NRTN: variants seen among roughly 807,000 people sequenced by gnomAD.
The protein encoded by NRTN is neurturin, also known as prepro-neurturin.
A neutral mutation model predicts 7.5 loss-of-function variants in NRTN; 3 were observed. The ratio of observed to expected loss-of-function variants is 0.40; its 90% CI spans 0.18 to 1.03. The LOEUF (loss-of-function observed/expected upper bound fraction) is 1.03, where lower values mean the gene tolerates loss of function less well. NRTN is among the 50% of genes least tolerant of loss of function. NRTN has a pLI of 0.34. For missense variants in NRTN, 310 were observed against 307.0 expected, an observed-to-expected ratio of 1.01 and a Z score of -0.07; for synonymous variants, 157 against 146.6, an observed-to-expected ratio of 1.07 and a Z score of -0.51.
At chr19:5,811,655 C>T (rs2056990798) in intron 1 of NRTN, among the ~76,000 whole-genome samples, 1 of 151,766 alleles carries the variant, frequency 6.6e-6, no homozygotes. Context: ...GCCTGATCCT[C>T]CTGAGTAGCT....
Position 5,828,201 on chromosome 19 carries a change from C to T in NRTN, c.*28C>T, listed in dbSNP as rs1187591078. ...CTACCTCACTCGGCCGGCGCGGCGGCCACTCCCCCCGCCTCGACGGCACCA... is the reference window on the plus strand; with the variant it reads ...CTACCTCACTCGGCCGGCGCGGCGGTCACTCCCCCCGCCTCGACGGCACCA... On this transcript the variant is annotated 3_prime_UTR_variant, in exon 3 of 3. Transcript: ENST00000303212. 10 of 1,526,996 alleles carry T rather than the reference C, an allele frequency of 6.5e-6. No homozygotes were observed. The highest frequency in any genetic ancestry group is 1.2e-5 in the South Asian group (1 of 83,404). 94.6% of individuals were successfully genotyped at this position (1,526,996 alleles called of 1,614,324 possible). A position where few individuals can be genotyped will look rare whatever the true frequency, so the allele number is the denominator to read the frequency against.
chr19:5,814,061 A>G (rs990809176), intron 1 of NRTN, among the ~76,000 whole-genome samples: 3 of 152,114 alleles, frequency 2.0e-5, no homozygotes, highest in Admixed American at 6.6e-5. Context: ...CAGGAGTGAA[A>G]CGGAGAGGAA....
rs2056976208 is a variant in NRTN, at chr19:5,806,711, A to G, written c.-399+1260A>G. The stretch of plus-strand genomic sequence containing the variant: ...CAGGGAGCTACAGAAAGCTTCTTCC[A>G]GGGGTGCAGGGAAGAAAATAAAACA... On this transcript the variant is annotated intron_variant, in intron 1 of 2. Coordinates refer to ENST00000303212, the MANE Select transcript of NRTN (RefSeq NM_004558.5). This position sits in a 1 kb window ranked among gnomAD's most constrained non-coding sequence, Gnocchi z 5.4. Among the ~76,000 whole-genome samples the G allele has an allele frequency of 6.6e-6, 1 of 152,034 alleles. No homozygotes were observed. The highest frequency in any genetic ancestry group is 1.5e-5 in the Non-Finnish European group (1 of 67,988).
intron 1 of NRTN, among the ~76,000 whole-genome samples, chr19:5,814,851 G>A (rs1388931897): frequency 6.6e-6 from 1 of 152,126 alleles, no homozygotes; most frequent in East Asian, 1.9e-4. Flanking sequence ...ACACTGCTAC[G>A]CTCCCAGCCC....
At chr19:5,822,398 G>A (rs889098224) in intron 1 of NRTN, among the ~76,000 whole-genome samples, 26 of 152,214 alleles carry the variant, frequency 1.7e-4, no homozygotes, top group Non-Finnish European at 3.5e-4. Context: ...CAGGCTCCAC[G>A]CCGCCCCACA....
chr19:5,809,890 T>C (rs763549949), intron 1 of NRTN, among the ~76,000 whole-genome samples: 2 of 152,174 alleles, frequency 1.3e-5, no homozygotes, highest in African/African-American at 2.4e-5. Context: ...CAGGCAGTAG[T>C]TGTGGAGTCC....
At chr19:5,816,616 A>C (rs2057005923) in intron 1 of NRTN, among the ~76,000 whole-genome samples, 1 of 152,100 alleles carries the variant, frequency 6.6e-6, no homozygotes, top group South Asian at 2.1e-4. Flanking sequence ...TCCTGACCTC[A>C]AATGATCTGC....
chr19:5,813,233 T>A (rs2007774), intron 1 of NRTN, among the ~76,000 whole-genome samples: 42,781 of 147,834 alleles, frequency 0.29, 6,595 homozygotes, highest in African/African-American at 0.4. Flanking sequence ...TTTTTTAATT[T>A]AAAAAAAAAA....
chr19:5,810,421 T>G (rs2056986649), intron 1 of NRTN, among the ~76,000 whole-genome samples: 1 of 152,010 alleles, frequency 6.6e-6, no homozygotes, highest in Non-Finnish European at 1.5e-5. Context: ...CCTCAGCTGC[T>G]TACTTGCTGT....
At chr19:5,819,233 G>T (rs929405133) in intron 1 of NRTN, among the ~76,000 whole-genome samples, 1 of 93,538 alleles carries the variant, frequency 1.1e-5, no homozygotes, top group African/African-American at 3.4e-5. Context: ...TGGGGATAAG[G>T]GTATTACTTG....
intron 1 of NRTN, among the ~76,000 whole-genome samples, chr19:5,819,856 GA>G (rs372188986): frequency 1.1e-4 from 16 of 145,768 alleles, no homozygotes; most frequent in South Asian, 4.4e-4. Flanking sequence ...TCTCAAGAAA[GA>G]AAAAAAAAAG....
intron 1 of NRTN, among the ~76,000 whole-genome samples, chr19:5,812,233 C>T (rs1238021019): frequency 6.6e-6 from 1 of 152,074 alleles, no homozygotes; most frequent in Admixed American, 6.6e-5. Flanking sequence ...CACCATACTC[C>T]TCCCCAGAAA....
At chr19:5,821,215 A>AAAT (rs1308773278) in intron 1 of NRTN, among the ~76,000 whole-genome samples, 1 of 151,184 alleles carries the variant, frequency 6.6e-6, no homozygotes, top group African/African-American at 2.4e-5. Context: ...TCCTCCCAAT[A>AAAT]AATCCATCCA....
Position 5,828,285 on chromosome 19 carries a change from T to A in NRTN, c.*112T>A. ...GAGCACGCCGGCGCGGCCCCGGGAC[T>A]CTCGCGATAACTGTACTGAGATAAA... On this transcript the variant is annotated 3_prime_UTR_variant, in exon 3 of 3. Transcript: ENST00000303212. The A allele has an allele frequency of 3.3e-6, 4 of 1,217,270 alleles. No individual in the cohort carries two copies. In the South Asian group the frequency reaches 4.5e-5, roughly 14 times the overall value. 75.4% of individuals were successfully genotyped at this position (1,217,270 alleles called of 1,614,324 possible).
chr19:5,820,472 AG>A (rs747654607), intron 1 of NRTN, among the ~76,000 whole-genome samples: 7 of 151,146 alleles, frequency 4.6e-5, no homozygotes, highest in Non-Finnish European at 1.0e-4. Flanking sequence ...AGGCTGAGGC[AG>A]GAGAATCGCT....
At chr19:5,817,335 C>T (rs2144760967) in intron 1 of NRTN, among the ~76,000 whole-genome samples, 1 of 147,336 alleles carries the variant, frequency 6.8e-6, no homozygotes, top group South Asian at 2.1e-4. Flanking sequence ...GCCTGGGCAA[C>T]AGAGCAAGAT....
Position 5,824,124 on chromosome 19 carries a change from G to C in NRTN, c.-42G>C. The C allele has an allele frequency of 6.3e-7, 1 of 1,599,886 alleles. No individual in the cohort carries two copies. The highest frequency in any genetic ancestry group is 8.5e-7 in the Non-Finnish European group (1 of 1,179,576). ...GTGCCCGTTGGCTGCTGGAGGGACA[G>C]ACGGGGCGTGCGGCTGACCATCCCG... On this transcript the variant is annotated 5_prime_UTR_variant, in exon 2 of 3. Transcript: ENST00000303212.
intron 1 of NRTN, among the ~76,000 whole-genome samples, chr19:5,821,499 C>T (rs1427145102): frequency 1.3e-5 from 2 of 151,900 alleles, no homozygotes; most frequent in Non-Finnish European, 2.9e-5. Flanking sequence ...GACGGGGTTT[C>T]ACCATATTGG....
Position 5,827,884 on chromosome 19 carries a change from CT to C in NRTN, c.307del (p.Cys103AlafsTer10). ...RRARARLGAR[P>X]CGLRELEVRV... ...GCGCGTGCGCGGTTGGGGGCGCGGC[CT>C]TGCGGGCTGCGCGAGCTGGAGGTGC... On this transcript the variant is annotated frameshift_variant, in exon 3 of 3. Coordinates refer to ENST00000303212, the MANE Select transcript of NRTN (RefSeq NM_004558.5). LOFTEE classifies it low-confidence loss of function (END_TRUNC). 7.3e-7 allele frequency: 1 copy of C among 1,371,108 alleles called. No homozygotes were observed. Among genetic ancestry groups the C allele is most frequent in the South Asian group, 1.7e-5 (1 of 59,208 alleles). The allele number at this position is 1,371,108 out of a possible 1,614,324, so 84.9% of individuals were successfully genotyped here. A position where few individuals can be genotyped will look rare whatever the true frequency, so the allele number is the denominator to read the frequency against.
Sources: allele counts gnomAD v4.1 joint callset (sites outside exome capture counted in the v4.1 genomes callset), GRCh38; gene constraint gnomAD v4.1.1; non-coding constraint Gnocchi (gnomAD v3.1); transcripts MANE v1.5; gene names NCBI Gene and HGNC (gene_info 2026-07-23, HGNC 2026-07-21).